The following GDAP1 variants were observed in gnomAD, a reference collection of about 807,000 sequenced individuals.
GDAP1 encodes ganglioside induced differentiation associated protein 1, also known as ganglioside-induced differentiation-associated protein 1.
A neutral mutation model predicts 40.1 loss-of-function variants in GDAP1; 34 were observed. That is an observed-to-expected ratio of 0.85 (90% confidence interval 0.64 to 1.13). The LOEUF is 1.13. GDAP1 is among the 50% of genes most tolerant of loss of function. The pLI, the probability that GDAP1 is intolerant of heterozygous loss-of-function variation, is 0.00. For synonymous variants in GDAP1, 170 were observed against 157.4 expected, an observed-to-expected ratio of 1.08 and a Z score of -0.60; for missense variants, 374 against 433.7, an observed-to-expected ratio of 0.86 and a Z score of 1.22.
intron 2 of GDAP1, among the ~76,000 whole-genome samples, chr8:74,475,504 A>G (rs893607212): frequency 5.1e-4 from 77 of 152,286 alleles, no homozygotes; most frequent in African/African-American, 1.6e-3. Context: ...ATTAGTTTCA[A>G]ATAACTTCTT....
chr8:74,399,174 G>T (rs1272679881), intron 2 of GDAP1, among the ~76,000 whole-genome samples: 1 of 151,872 alleles, frequency 6.6e-6, no homozygotes, highest in East Asian at 1.9e-4. Flanking sequence ...CAATCCATCT[G>T]GTCCTGGACT....
chr8:74,458,975 A>G (rs1232811349), intron 2 of GDAP1, among the ~76,000 whole-genome samples: 1 of 152,180 alleles, frequency 6.6e-6, no homozygotes, highest in African/African-American at 2.4e-5. Flanking sequence ...TGGCCTCCAG[A>G]CTATGGGAGA....
intron 2 of GDAP1, among the ~76,000 whole-genome samples, chr8:74,433,195 C>T (rs1806048868): frequency 6.6e-6 from 1 of 152,110 alleles, no homozygotes; most frequent in African/African-American, 2.4e-5. Flanking sequence ...TAGCCCTTAC[C>T]TCCCCTCTAG....
intron 2 of GDAP1, among the ~76,000 whole-genome samples, chr8:74,475,321 C>T (rs1311657902): frequency 6.6e-6 from 1 of 151,792 alleles, no homozygotes; most frequent in Non-Finnish European, 1.5e-5. Flanking sequence ...CTTGTCTCTG[C>T]TAGCTTTGGG....
chr8:74,364,085 G>C lies in GDAP1; in HGVS notation c.795G>C (p.Arg265Ser). 1 of 1,614,170 alleles carries C rather than the reference G, an allele frequency of 6.2e-7. No homozygotes were observed. Among genetic ancestry groups the C allele is most frequent in the Non-Finnish European group, 8.5e-7 (1 of 1,180,012 alleles). ...LHRLKFLGFA[R>S]RNWGNGKRPN... ...GACTGAAGTTCCTGGGGTTTGCAAG[G>C]AGAAACTGGGGAAACGGAAAGCGAC... The change falls in exon 6 of 6, where the codon AGG becomes AGC. Residue 265 changes from arginine (R) to serine (S), a missense_variant. Arg to Ser is a moderately radical substitution (Grantham distance 110). Transcript: ENST00000220822.
At position 74,365,995 on chromosome 8, in the gene GDAP1, T is replaced by A. The variant is rs372853503; in HGVS notation, c.*1628T>A. 8.8e-6 allele frequency: 4 copies of A among 452,224 alleles called. No homozygotes were observed. Among genetic ancestry groups the A allele is most frequent in the East Asian group, 1.4e-4 (2 of 14,396 alleles). The allele number at this position is 452,224 out of a possible 1,614,324, so 28.0% of individuals were successfully genotyped here. ...TGTTTGAGTTCTTTATGTCACTCTG[T>A]TAGAAACAAGAACTGAGTCGTGAAG... is the stretch of plus-strand genomic sequence containing the variant. On this transcript the variant is annotated 3_prime_UTR_variant, in exon 6 of 6. Coordinates refer to ENST00000220822, the MANE Select transcript of GDAP1 (RefSeq NM_018972.4).
downstream of GDAP1, among the ~76,000 whole-genome samples, chr8:74,371,646 C>T (rs1323487671): frequency 5.4e-5 from 8 of 147,708 alleles, no homozygotes; most frequent in African/African-American, 7.5e-5. Context: ...GGCGACAGAG[C>T]GAGACTCCGT....
At chr8:74,484,630 A>G (rs755160179) in intron 2 of GDAP1, among the ~76,000 whole-genome samples, 1 of 152,148 alleles carries the variant, frequency 6.6e-6, no homozygotes, top group Non-Finnish European at 1.5e-5. Context: ...CCATAGTGTT[A>G]TGAGATACCT....
In GDAP1 at chr8:74,364,597, A is replaced by G. The variant is rs1809534793; in HGVS notation, c.*230A>G. 3 of 655,574 alleles carry G rather than the reference A, an allele frequency of 4.6e-6. No individual in the cohort carries two copies. The highest frequency in any genetic ancestry group is 8.4e-6 in the Non-Finnish European group (3 of 357,416). The allele number at this position is 655,574 out of a possible 1,614,324, so 40.6% of individuals were successfully genotyped here. A position where few individuals can be genotyped will look rare whatever the true frequency, so the allele number is the denominator to read the frequency against. ...AATAGGAAGGCAAAGAGATAAGAGAAGGAAAAATGAGAGAATGAAGTCTGT... is the reference window on the plus strand; with the variant it reads ...AATAGGAAGGCAAAGAGATAAGAGAGGGAAAAATGAGAGAATGAAGTCTGT... On this transcript the variant is annotated 3_prime_UTR_variant, in exon 6 of 6. Coordinates refer to ENST00000220822, the MANE Select transcript of GDAP1 (RefSeq NM_018972.4).
rs1805662761 is a variant in GDAP1, at chr8:74,408,023, T to A, written c.165+56702T>A. Reference sequence around the variant, plus strand: ...TCAGAATCAAATGAACTTCCCTAAATGAAAATACTTGTAGCCCAAATTACA... The same window carrying A: ...TCAGAATCAAATGAACTTCCCTAAAAGAAAATACTTGTAGCCCAAATTACA... On this transcript the variant is annotated intron_variant, in intron 2 of 2. Coordinates refer to the GDAP1 transcript ENST00000523640. Among the ~76,000 whole-genome samples the A allele has an allele frequency of 1.3e-5, 2 of 150,136 alleles. 1 individual carries two copies. The highest frequency in any genetic ancestry group is 5.1e-5 in the African/African-American group (2 of 39,464).
Position 74,392,990 on chromosome 8 carries a change from A to G in GDAP1, c.165+41669A>G, listed in dbSNP as rs755911969. On this transcript the variant is annotated intron_variant, in intron 2 of 2. Coordinates refer to the GDAP1 transcript ENST00000523640. ...GCTATACAGAATCCTAGTAAAATAT[A>G]CACTTTACTAATATAGATTGCATTT... Among the ~76,000 whole-genome samples, 5 of 152,346 alleles carry G rather than the reference A, an allele frequency of 3.3e-5. No individual in the cohort carries two copies. The East Asian group carries it at 7.7e-4, about 23-fold the overall frequency.
chr8:74,355,820 G>A (rs1809067272), intron 2 of GDAP1, among the ~76,000 whole-genome samples: 1 of 151,798 alleles, frequency 6.6e-6, no homozygotes, highest in African/African-American at 2.4e-5. Flanking sequence ...CATGTCTTAT[G>A]TCTAGATATA....
intron 2 of GDAP1, among the ~76,000 whole-genome samples, chr8:74,400,163 T>C (rs1375439246): frequency 3.3e-5 from 5 of 149,634 alleles, no homozygotes; most frequent in Admixed American, 6.6e-5. Context: ...TAAAGTCTCC[T>C]ATGATTATTG....
chr8:74,440,834 A>G (rs1319977789), intron 2 of GDAP1, among the ~76,000 whole-genome samples: 1 of 152,112 alleles, frequency 6.6e-6, no homozygotes, highest in Non-Finnish European at 1.5e-5. Flanking sequence ...ACTAAGACTT[A>G]TTTTTTATAA....
intron 2 of GDAP1, among the ~76,000 whole-genome samples, chr8:74,477,136 G>A (rs1586847330): frequency 6.6e-6 from 1 of 152,152 alleles, no homozygotes; most frequent in South Asian, 2.1e-4. Context: ...GCTCTATCAA[G>A]TCAGTTACAT....
downstream of GDAP1, among the ~76,000 whole-genome samples, chr8:74,371,622 T>C (rs913539749): frequency 1.3e-5 from 2 of 150,298 alleles, no homozygotes; most frequent in African/African-American, 4.9e-5. Flanking sequence ...ATCGCGCCAC[T>C]GCACTCCAGC....
chr8:74,369,120 C>A (rs999694238), downstream of GDAP1, among the ~76,000 whole-genome samples: 1 of 152,122 alleles, frequency 6.6e-6, no homozygotes, highest in Admixed American at 6.5e-5. Context: ...AAAACGTACA[C>A]AGTTTAAAGG....
At chr8:74,425,049 CA>C (rs1317801024) in intron 2 of GDAP1, among the ~76,000 whole-genome samples, 3 of 152,190 alleles carry the variant, frequency 2.0e-5, no homozygotes, top group African/African-American at 4.8e-5. Context: ...CTACTCACAG[CA>C]GCTGCAGTAT....
chr8:74,478,044 G>A (rs184166234), intron 2 of GDAP1, among the ~76,000 whole-genome samples: 3 of 151,810 alleles, frequency 2.0e-5, no homozygotes, highest in East Asian at 1.9e-4. Flanking sequence ...GAGCCAGGAC[G>A]GCTTTACTGT....
Sources: gnomAD v4.1 joint callset for allele counts (sites outside exome capture counted in the v4.1 genomes callset) on GRCh38, gnomAD v4.1.1 for gene constraint, MANE v1.5 for transcripts, NCBI Gene and HGNC (gene_info 2026-07-23, HGNC 2026-07-21) for gene names.